The following SERPINB5 variants were observed in gnomAD, a reference collection of about 807,000 sequenced individuals.
SERPINB5 encodes the protein serpin family B member 5.
SERPINB5 carries 27 observed loss-of-function variants against 32.2 expected under a neutral mutation model. That is an observed-to-expected ratio of 0.84 (90% CI 0.62 to 1.16). The LOEUF is 1.16. Ranked by LOEUF, SERPINB5 falls within the 50% of genes most tolerant of loss-of-function variation. The pLI, the probability that SERPINB5 is intolerant of heterozygous loss-of-function variation, is 0.00. For synonymous variants in SERPINB5, 154 were observed against 157.4 expected (o/e 0.98, Z 0.16); for missense variants, 388 against 436.3 (o/e 0.89, Z 0.99).
chr18:63,479,543 T>C (rs1917092601), intron 1 of SERPINB5, among the ~76,000 whole-genome samples: 1 of 152,188 alleles, frequency 6.6e-6, no homozygotes, highest in Non-Finnish European at 1.5e-5. Context: ...TCACCTTTAA[T>C]GTGACTTACT....
At position 63,503,794 on chromosome 18, in the gene SERPINB5, GATTCA is replaced by G; in HGVS notation, c.*73_*77del. The G allele has an allele frequency of 6.8e-7, 1 of 1,467,760 alleles. No individual in the cohort carries two copies. Among genetic ancestry groups the G allele is most frequent in the Non-Finnish European group, 9.4e-7 (1 of 1,065,478 alleles). 90.9% of individuals were successfully genotyped at this position (1,467,760 alleles called of 1,614,324 possible). On this transcript the variant is annotated 3_prime_UTR_variant, in exon 7 of 7. Transcript: ENST00000382771. ...GATTTCTGTAAACTCTGCATCCAGAGATTCATTTTCTAGATACAATAAATTGCTAA... is the reference window on the plus strand; with the variant it reads ...GATTTCTGTAAACTCTGCATCCAGAGTTTTCTAGATACAATAAATTGCTAA...
intron 1 of SERPINB5, among the ~76,000 whole-genome samples, chr18:63,479,209 G>A (rs761005324): frequency 2.0e-5 from 3 of 152,092 alleles, no homozygotes; most frequent in Non-Finnish European, 2.9e-5. Flanking sequence ...GAGAGTAAAC[G>A]GGGCACTGTT....
At chr18:63,496,744 G>A (rs1909455067) in intron 5 of SERPINB5, among the ~76,000 whole-genome samples, 1 of 152,190 alleles carries the variant, frequency 6.6e-6, no homozygotes, top group South Asian at 2.1e-4. Flanking sequence ...TCCCATGGGA[G>A]GTATATGTCA....
rs1419389164 is a variant in SERPINB5 at position 63,503,546 on chromosome 18, GTTA to G, written c.954_956del (p.Ile319del). ...GACCAAGGGAGTGGCCCTATCAAAT[GTTA>G]TCCACAAAGTGTGCTTAGAAATAAC... On this transcript the variant is annotated inframe_deletion, in exon 7 of 7. Transcript: ENST00000382771. The G allele has an allele frequency of 6.2e-7, 1 of 1,614,238 alleles. No individual in the cohort carries two copies. The highest frequency in any genetic ancestry group is 1.1e-5 in the South Asian group (1 of 91,088).
chr18:63,495,656 A>T (rs1909432152), intron 5 of SERPINB5, among the ~76,000 whole-genome samples: 1 of 152,178 alleles, frequency 6.6e-6, no homozygotes, highest in Admixed American at 6.5e-5. Flanking sequence ...GAAAGTATTA[A>T]CGTGTGTTTT....
intron 5 of SERPINB5, among the ~76,000 whole-genome samples, chr18:63,497,573 G>A (rs1337179060): frequency 6.7e-6 from 1 of 149,866 alleles, no homozygotes; most frequent in Non-Finnish European, 1.5e-5. Context: ...AAGACTTAGA[G>A]ATAATTTTAA....
chr18:63,491,844 C>T (rs923984284), intron 4 of SERPINB5, among the ~76,000 whole-genome samples: 2 of 152,138 alleles, frequency 1.3e-5, no homozygotes, highest in African/African-American at 4.8e-5. Context: ...TTACCGGCTC[C>T]CACACTTCTT....
chr18:63,502,536 A>G (rs907521043), intron 6 of SERPINB5, among the ~76,000 whole-genome samples: 2 of 151,996 alleles, frequency 1.3e-5, no homozygotes, highest in Admixed American at 6.6e-5. Flanking sequence ...AAAAAAAAAA[A>G]GTAACTTTAG....
At position 63,484,668 on chromosome 18, in the gene SERPINB5, A is replaced by G. The variant is rs1917177385; in HGVS notation, c.168+72A>G. The G allele has an allele frequency of 2.1e-6, 3 of 1,396,968 alleles. No individual in the cohort carries two copies. In the South Asian group the frequency reaches 4.3e-5, roughly 20 times the overall value. 86.5% of individuals were successfully genotyped at this position (1,396,968 alleles called of 1,614,324 possible). On this transcript the variant is annotated intron_variant, in intron 2 of 6. Coordinates refer to ENST00000382771, the MANE Select transcript of SERPINB5 (RefSeq NM_002639.5). ...TAGAACCCATAGGCAGTGCCTACGGAAAAAAGGAATGTAGACTTTGTGGCC... is the reference window on the plus strand; with the variant it reads ...TAGAACCCATAGGCAGTGCCTACGGGAAAAAGGAATGTAGACTTTGTGGCC...
At chr18:63,495,329 G>A (rs973087283) in intron 5 of SERPINB5, among the ~76,000 whole-genome samples, 15 of 152,054 alleles carry the variant, frequency 9.9e-5, no homozygotes, top group Middle Eastern at 3.4e-3. Flanking sequence ...GAAGTGGAAC[G>A]TGACTTTACC....
chr18:63,480,963 A>T (rs1023089618), intron 1 of SERPINB5, among the ~76,000 whole-genome samples: 3 of 152,232 alleles, frequency 2.0e-5, no homozygotes, highest in African/African-American at 7.2e-5. Context: ...CAGCATAGGA[A>T]CAGGAAGGCA....
At position 63,504,088 on chromosome 18, in the gene SERPINB5, T is replaced by C. The variant is rs12150761; in HGVS notation, c.*366T>C. On this transcript the variant is annotated 3_prime_UTR_variant, in exon 7 of 7. Coordinates refer to ENST00000382771, the MANE Select transcript of SERPINB5 (RefSeq NM_002639.5). ...GAAGCTCTTCTTCCCAGCACTATGC[T>C]TTCCTTCTTTGGGATAGAGAATGTT... 0.11 allele frequency: 24,440 copies of C among 231,306 alleles called. 1,445 individuals are homozygous for C. Among genetic ancestry groups the C allele is most frequent in the Middle Eastern group, 0.14 (84 of 596 alleles). The allele number at this position is 231,306 out of a possible 1,614,324, so 14.3% of individuals were successfully genotyped here.
intron 2 of SERPINB5, among the ~76,000 whole-genome samples, chr18:63,485,313 C>T (rs1325874245): frequency 6.6e-6 from 1 of 152,032 alleles, no homozygotes; most frequent in Non-Finnish European, 1.5e-5. Flanking sequence ...CGTTTTAAGT[C>T]CTCATGTACT....
intron 1 of SERPINB5, among the ~76,000 whole-genome samples, chr18:63,479,748 G>A (rs923173910): frequency 6.6e-6 from 1 of 152,014 alleles, no homozygotes; most frequent in African/African-American, 2.4e-5. Context: ...ACACAAATTA[G>A]GTACTCAGTT....
In SERPINB5 at chr18:63,503,870, C is replaced by A; in HGVS notation, c.*148C>A. On this transcript the variant is annotated 3_prime_UTR_variant, in exon 7 of 7. Coordinates refer to ENST00000382771, the MANE Select transcript of SERPINB5 (RefSeq NM_002639.5). Reference sequence around the variant, plus strand: ...GCCAGTACTTGTCATATGTAGCCTTCACACAGATAGACCTTTTTTTTTTTT... The same window carrying A: ...GCCAGTACTTGTCATATGTAGCCTTAACACAGATAGACCTTTTTTTTTTTT... 5 of 738,522 alleles carry A rather than the reference C, an allele frequency of 6.8e-6. No homozygotes were observed. Among genetic ancestry groups the A allele is most frequent in the African/African-American group, 1.8e-5 (1 of 56,314 alleles). 45.7% of individuals were successfully genotyped at this position (738,522 alleles called of 1,614,324 possible). A position where few individuals can be genotyped will look rare whatever the true frequency, so the allele number is the denominator to read the frequency against.
In SERPINB5 at chr18:63,476,997, G is replaced by T. The variant is rs75113857; in HGVS notation, c.-56G>T. ...CCACATCCAGGTCTTTGTGCTCCTCGCTTGCCTGTTCCTTTTCCACGCATT... is the reference window on the plus strand; with the variant it reads ...CCACATCCAGGTCTTTGTGCTCCTCTCTTGCCTGTTCCTTTTCCACGCATT... On this transcript the variant is annotated 5_prime_UTR_variant, in exon 1 of 7. Coordinates refer to ENST00000382771, the MANE Select transcript of SERPINB5 (RefSeq NM_002639.5). 0.011 allele frequency: 1,705 copies of T among 152,462 alleles called. 38 individuals carry two copies. Among genetic ancestry groups the T allele is most frequent in the African/African-American group, 0.039 (1,629 of 41,564 alleles). The allele number at this position is 152,462 out of a possible 1,614,324, so 9.4% of individuals were successfully genotyped here.
At chr18:63,497,066 T>TG in intron 5 of SERPINB5, 2 of 578,162 alleles carry the variant, frequency 3.5e-6, no homozygotes, top group Non-Finnish European at 6.7e-6. Flanking sequence ...GGCCTGTGTC[T>TG]GCCTCCTTCT....
At chr18:63,483,910 G>A (rs1387723761) in intron 1 of SERPINB5, among the ~76,000 whole-genome samples, 8 of 152,164 alleles carry the variant, frequency 5.3e-5, no homozygotes, top group African/African-American at 1.9e-4. Flanking sequence ...ACATTCACAG[G>A]TAATGGGGAT....
At chr18:63,493,280 C>T (rs899978950) in intron 5 of SERPINB5, 185 bp downstream of exon 5, 9 of 704,688 alleles carry the variant, frequency 1.3e-5, no homozygotes, top group Middle Eastern at 3.7e-4. Flanking sequence ...GAGGCCCCCC[C>T]TCCTCTTTTC....
Sources: gnomAD v4.1 joint callset for allele counts (sites outside exome capture counted in the v4.1 genomes callset) on GRCh38, gnomAD v4.1.1 for gene constraint, MANE v1.5 for transcripts, NCBI Gene and HGNC (gene_info 2026-07-23, HGNC 2026-07-21) for gene names.